Variants in ADGRV1 observed in about 807,000 individuals in gnomAD.
ADGRV1 encodes the protein adhesion G protein-coupled receptor V1.
ADGRV1 carries 359 observed loss-of-function variants against 596.2 expected under a neutral mutation model. The observed-to-expected ratio is 0.60, with a 90% CI of 0.55 to 0.66. ADGRV1 has a LOEUF of 0.66. Among genes scored for constraint, ADGRV1 ranks in the 30% least tolerant of loss-of-function variants. The pLI, the probability that ADGRV1 is intolerant of heterozygous loss-of-function variation, is 0.00. For missense variants in ADGRV1, 7,274 were observed against 7,575.6 expected (o/e 0.96, Z 1.48); for synonymous variants, 2,681 against 2,679.2 (o/e 1.00, Z -0.02).
chr5:90,879,078 T>A (rs1327156761), intron 83 of ADGRV1, among the ~76,000 whole-genome samples: 1 of 152,178 alleles, frequency 6.6e-6, no homozygotes, highest in Non-Finnish European at 1.5e-5. Flanking sequence ...AGCAAGGCTT[T>A]TGTTCCAGTT....
intron 80 of ADGRV1, among the ~76,000 whole-genome samples, chr5:90,853,840 G>A (rs1766769062): frequency 6.6e-6 from 1 of 152,144 alleles, no homozygotes; most frequent in Non-Finnish European, 1.5e-5. Flanking sequence ...GAGTCAAAGT[G>A]AGTGTTGTCA....
At chr5:90,788,713 G>A (rs1249306527) in intron 68 of ADGRV1, among the ~76,000 whole-genome samples, 1 of 152,086 alleles carries the variant, frequency 6.6e-6, no homozygotes, top group African/African-American at 2.4e-5. Flanking sequence ...TTTAGTTAAG[G>A]CAAAAAGTGC....
At chr5:90,681,902 C>G (rs967280760) in intron 27 of ADGRV1, among the ~76,000 whole-genome samples, 9 of 144,368 alleles carry the variant, frequency 6.2e-5, no homozygotes, top group African/African-American at 2.3e-4. Flanking sequence ...GAGTTTCGCT[C>G]TTGTTGCCCA....
At chr5:90,996,592 G>T (rs529941447) in intron 85 of ADGRV1, among the ~76,000 whole-genome samples, 3 of 152,160 alleles carry the variant, frequency 2.0e-5, no homozygotes, top group African/African-American at 7.2e-5. Context: ...TTGGAGTCCC[G>T]ACACAGAGTC....
intron 84 of ADGRV1, among the ~76,000 whole-genome samples, chr5:90,980,444 T>A (rs935707662): frequency 6.6e-6 from 1 of 152,148 alleles, no homozygotes; most frequent in Non-Finnish European, 1.5e-5. Flanking sequence ...GTAGAAACAG[T>A]CAAGTAGGAT....
intron 87 of ADGRV1, among the ~76,000 whole-genome samples, chr5:91,125,002 C>A (rs1036438858): frequency 2.6e-5 from 4 of 152,142 alleles, no homozygotes; most frequent in African/African-American, 9.7e-5. Context: ...CAAAGACAGT[C>A]CCTTGGAGAC....
At chr5:90,598,192 G>A (rs1313074209) in intron 1 of ADGRV1, among the ~76,000 whole-genome samples, 3 of 152,186 alleles carry the variant, frequency 2.0e-5, no homozygotes, top group Non-Finnish European at 2.9e-5. Context: ...GTTTACTGCG[G>A]TATACCCACG....
At chr5:91,122,215 G>A (rs2367284) in intron 87 of ADGRV1, among the ~76,000 whole-genome samples, 119,198 of 152,178 alleles carry the variant, frequency 0.78, 46,764 homozygotes, top group South Asian at 0.83. Context: ...TATTTGTGGA[G>A]TATGAGTTAC....
chr5:90,606,669 T>G (rs899777611), intron 1 of ADGRV1, among the ~76,000 whole-genome samples: 4 of 152,190 alleles, frequency 2.6e-5, no homozygotes, highest in African/African-American at 9.7e-5. Context: ...CCATTCATTC[T>G]CCAGGGAAGG....
Position 90,697,009 on chromosome 5 carries a change from T to A in ADGRV1, c.8018T>A (p.Val2673Asp). ...CCAGAGGATGACGAAAGTATCATAG[T>A]TAGTTTGGTGTACACTGAAGGTGGA... Reference protein sequence around the residue: ...SEPEDDESIIVSLVYTEGGSR... With the variant: ...SEPEDDESIIDSLVYTEGGSR... The change falls in exon 34 of 90, where the codon GTT (valine) becomes GAT (aspartate). Residue 2673 changes from valine (V) to aspartate (D), a missense_variant. Physicochemically the swap from Val to Asp is radical, Grantham distance 152. Transcript: ENST00000405460. 1 of 1,613,268 alleles carries A rather than the reference T, an allele frequency of 6.2e-7. No individual in the cohort carries two copies. Among genetic ancestry groups the A allele is most frequent in the South Asian group, 1.1e-5 (1 of 91,052 alleles).
At chr5:90,988,044 T>C (rs1780639309) in intron 85 of ADGRV1, among the ~76,000 whole-genome samples, 1 of 152,120 alleles carries the variant, frequency 6.6e-6, no homozygotes, top group South Asian at 2.1e-4. Context: ...CCCTTTCTTC[T>C]CCAAGTATTA....
intron 85 of ADGRV1, among the ~76,000 whole-genome samples, chr5:91,057,150 C>G (rs552384462): frequency 6.6e-6 from 1 of 152,306 alleles, no homozygotes; most frequent in African/African-American, 2.4e-5. Flanking sequence ...CAGCCCTGAC[C>G]TTTACGAAAA....
chr5:91,117,164 AATTG>A (rs1451301841), intron 87 of ADGRV1, among the ~76,000 whole-genome samples: 2 of 152,198 alleles, frequency 1.3e-5, no homozygotes, highest in Non-Finnish European at 2.9e-5. Flanking sequence ...CTCATAGCAC[AATTG>A]ATTATCAAAT....
At chr5:90,767,931 A>G (rs1388096722) in intron 59 of ADGRV1, among the ~76,000 whole-genome samples, 1 of 152,126 alleles carries the variant, frequency 6.6e-6, no homozygotes, top group Non-Finnish European at 1.5e-5. Flanking sequence ...ACACATGATG[A>G]CTCATGAAAC....
chr5:90,582,958 T>G (rs1318669526), intron 1 of ADGRV1, among the ~76,000 whole-genome samples: 1 of 152,194 alleles, frequency 6.6e-6, no homozygotes, highest in Non-Finnish European at 1.5e-5. Context: ...GTATTTTCAT[T>G]GGGTAGTGTT....
intron 75 of ADGRV1, among the ~76,000 whole-genome samples, chr5:90,821,060 A>T (rs996311619): frequency 6.6e-6 from 1 of 152,024 alleles, no homozygotes; most frequent in Admixed American, 6.5e-5. Context: ...CACCAATCAG[A>T]CGTAGATTTG....
chr5:90,866,092 G>A (rs1191573968), intron 83 of ADGRV1, among the ~76,000 whole-genome samples: 1 of 152,090 alleles, frequency 6.6e-6, no homozygotes, highest in East Asian at 1.9e-4. Flanking sequence ...AGTCTGCCAA[G>A]ACCATTCATT....
chr5:90,759,313 C>G, intron 57 of ADGRV1, 96 bp from the exon 58 acceptor site: 2 of 923,036 alleles, frequency 2.2e-6, no homozygotes, highest in Non-Finnish European at 3.2e-6. Context: ...AAATATATGT[C>G]AGCAAAAACT....
chr5:90,583,664 G>A (rs1580347973), intron 1 of ADGRV1, among the ~76,000 whole-genome samples: 1 of 152,030 alleles, frequency 6.6e-6, no homozygotes, highest in Non-Finnish European at 1.5e-5. Flanking sequence ...AAACATCTAG[G>A]CCTACAACTA....
Sources: gnomAD v4.1 joint callset for allele counts (sites outside exome capture counted in the v4.1 genomes callset) on GRCh38, gnomAD v4.1.1 for gene constraint, MANE v1.5 for transcripts, NCBI Gene and HGNC (gene_info 2026-07-23, HGNC 2026-07-21) for gene names.